Variants in IMMT observed in about 807,000 individuals in gnomAD.
IMMT encodes the protein inner membrane mitochondrial protein.
A neutral mutation model predicts 92.7 loss-of-function variants in IMMT; 40 were observed. The observed-to-expected ratio is 0.43, with a 90% CI of 0.34 to 0.56. IMMT has a LOEUF of 0.56. IMMT is among the 20% of genes least tolerant of loss of function. The pLI is 0.03. For synonymous variants in IMMT, 322 were observed against 336.1 expected, an observed-to-expected ratio of 0.96 and a Z score of 0.46; for missense variants, 831 against 912.1, an observed-to-expected ratio of 0.91 and a Z score of 1.14.
chr2:86,178,763 TA>T (rs1677623902), intron 3 of IMMT, among the ~76,000 whole-genome samples: 1 of 151,982 alleles, frequency 6.6e-6, no homozygotes, highest in Non-Finnish European at 1.5e-5. Flanking sequence ...GTATATTTTT[TA>T]AAAAATTGCA....
intron 10 of IMMT, among the ~76,000 whole-genome samples, chr2:86,154,159 C>G (rs568239149): frequency 1.3e-5 from 2 of 148,704 alleles, no homozygotes; most frequent in East Asian, 3.9e-4. Flanking sequence ...CCACTGCACC[C>G]AGCAACCTAA....
intron 6 of IMMT, among the ~76,000 whole-genome samples, chr2:86,167,093 CTCA>C (rs1676736324): frequency 7.1e-6 from 1 of 141,638 alleles, no homozygotes; most frequent in African/African-American, 2.6e-5. Context: ...GCGAGACTCT[CTCA>C]AAAAAAAAAA....
At chr2:86,170,658 G>T in intron 6 of IMMT, 91 bp downstream of exon 6, 1 of 803,038 alleles carries the variant, frequency 1.2e-6, no homozygotes, top group East Asian at 2.7e-5. Context: ...ACCACAACTA[G>T]GTGATAGATG....
At chr2:86,152,959 A>G (rs1262021734) in intron 11 of IMMT, among the ~76,000 whole-genome samples, 3 of 152,192 alleles carry the variant, frequency 2.0e-5, no homozygotes, top group African/African-American at 7.2e-5. Context: ...TGGAACGTCT[A>G]TGGGTTATCG....
At chr2:86,167,146 TA>T (rs1426881009) in intron 6 of IMMT, among the ~76,000 whole-genome samples, 3 of 147,592 alleles carry the variant, frequency 2.0e-5, no homozygotes, top group African/African-American at 7.5e-5. Flanking sequence ...GTCTGGATGA[TA>T]AATCTATGAA....
intron 1 of IMMT, among the ~76,000 whole-genome samples, chr2:86,189,164 G>A (rs890557800): frequency 1.3e-5 from 2 of 151,976 alleles, no homozygotes; most frequent in African/African-American, 4.8e-5. Flanking sequence ...TATGTTATAA[G>A]GTTAGCCTTG....
intron 1 of IMMT, among the ~76,000 whole-genome samples, chr2:86,190,091 A>G (rs1028080648): frequency 2.0e-5 from 3 of 152,220 alleles, no homozygotes; most frequent in Non-Finnish European, 4.4e-5. Context: ...ACGGCGTAAG[A>G]TGTATTTCAA....
intron 6 of IMMT, 147 bp from the exon 7 acceptor site, chr2:86,166,791 C>CA: frequency 1.3e-6 from 1 of 780,716 alleles, no homozygotes. Context: ...TTTAGGGAAT[C>CA]AAAGTTTCAC....
At chr2:86,195,115 G>A in intron 1 of IMMT, 2 of 451,406 alleles carry the variant, frequency 4.4e-6, no homozygotes, top group Non-Finnish European at 4.0e-6. Context: ...CGCGCCTCCC[G>A]CTACTCTCCA....
chr2:86,173,940 C>A (rs572966153), intron 3 of IMMT, among the ~76,000 whole-genome samples, 179 bp from the exon 4 acceptor site: 1 of 152,252 alleles, frequency 6.6e-6, no homozygotes, highest in South Asian at 2.1e-4. Context: ...TAGAAAAGTG[C>A]AGTTCAAAAA....
intron 8 of IMMT, among the ~76,000 whole-genome samples, chr2:86,161,097 TA>T (rs11438083): frequency 8.5e-4 from 119 of 140,610 alleles, no homozygotes; most frequent in African/African-American, 2.5e-3. Context: ...GACCATGAAT[TA>T]AAAAAAAAAA....
Position 86,153,572 on chromosome 2 carries a change from C to A in IMMT, c.1165G>T (p.Val389Phe). Residue 389 changes from valine to phenylalanine, a missense_variant and splice_region_variant, in exon 11 of 15, where the codon GTT becomes TTT. Transcript: ENST00000410111. ...EVLPGWKGMS[V>F]SDLADKLSTD... The stretch of plus-strand genomic sequence containing the variant: ...ACATAACACTCACCTAAGTCTGAAA[C>A]ACCTACAAAGGAAAAAATAGAACAG... 3 of 1,478,268 alleles carry A rather than the reference C, an allele frequency of 2.0e-6. No homozygotes were observed. Among genetic ancestry groups the A allele is most frequent in the South Asian group, 1.3e-5 (1 of 76,900 alleles). The allele number at this position is 1,478,268 out of a possible 1,614,324, so 91.6% of individuals were successfully genotyped here.
chr2:86,146,157 C>A lies in IMMT; in HGVS notation c.1574G>T (p.Arg525Leu). The A allele has an allele frequency of 1.9e-6, 3 of 1,609,260 alleles. No homozygotes were observed. The highest frequency in any genetic ancestry group is 1.7e-6 in the Non-Finnish European group (2 of 1,176,806). Reference sequence around the variant, plus strand: ...GTCAACTTGCTCTTGACTGAGACGACGAAATTGTAATTCTTGTTCAGAGAG... The same window carrying A: ...GTCAACTTGCTCTTGACTGAGACGAAGAAATTGTAATTCTTGTTCAGAGAG... ...EKLSEQELQFRRLSQEQVDNF... is the reference protein window; with the variant it reads ...EKLSEQELQFLRLSQEQVDNF... Residue 525 changes from arginine to leucine, a missense_variant, in exon 14 of 15, where the codon CGT becomes CTT. Arg to Leu is a moderately radical substitution (Grantham distance 102). Coordinates refer to ENST00000410111, the MANE Select transcript of IMMT (RefSeq NM_006839.3).
At chr2:86,167,484 G>GTTTTTTTTT (rs66768832) in intron 6 of IMMT, among the ~76,000 whole-genome samples, 1 of 123,224 alleles carries the variant, frequency 8.1e-6, no homozygotes, top group African/African-American at 3.2e-5. Flanking sequence ...TTTGTTTTTT[G>GTTTTTTTTT]TTTTTTTTTT....
intron 12 of IMMT, 128 bp downstream of exon 12, chr2:86,151,169 T>C (rs12714169): frequency 0.51 from 379,359 of 747,292 alleles, 98,610 homozygotes; most frequent in Non-Finnish European, 0.54. Flanking sequence ...CCACCCACCT[T>C]GGCCTCCCAA....
At chr2:86,157,648 C>T (rs993890473) in intron 10 of IMMT, among the ~76,000 whole-genome samples, 2 of 151,764 alleles carry the variant, frequency 1.3e-5, no homozygotes, top group Non-Finnish European at 2.9e-5. Context: ...ATTGGTTGGG[C>T]GCAGTGGCTC....
At chr2:86,189,646 G>A (rs1041294476) in intron 1 of IMMT, among the ~76,000 whole-genome samples, 1 of 152,144 alleles carries the variant, frequency 6.6e-6, no homozygotes, top group Non-Finnish European at 1.5e-5. Flanking sequence ...TCCACAGACT[G>A]CTGGTTGCTG....
chr2:86,152,623 T>C (rs1675553320), intron 11 of IMMT, among the ~76,000 whole-genome samples: 1 of 151,716 alleles, frequency 6.6e-6, no homozygotes, highest in Non-Finnish European at 1.5e-5. Context: ...TAGCCAGGCA[T>C]GGGGGCACAT....
chr2:86,178,494 C>T (rs1041107944), intron 3 of IMMT, among the ~76,000 whole-genome samples: 3 of 149,930 alleles, frequency 2.0e-5, no homozygotes, highest in African/African-American at 4.9e-5. Context: ...GGTGTGGTGG[C>T]GCCCGCCTAT....
Sources: allele counts gnomAD v4.1 joint callset (sites outside exome capture counted in the v4.1 genomes callset), GRCh38; gene constraint gnomAD v4.1.1; transcripts MANE v1.5; gene names NCBI Gene and HGNC (gene_info 2026-07-23, HGNC 2026-07-21).